The following NME5 variants were observed in gnomAD, a reference collection of about 807,000 sequenced individuals.
NME5 encodes the protein nucleoside diphosphate kinase 5.
In NME5, 18 loss-of-function variants were observed where a neutral mutation model predicts 21.6. That is an observed-to-expected ratio of 0.83 (90% confidence interval 0.58 to 1.24). The LOEUF is 1.24. NME5 is among the 50% of genes most tolerant of loss of function. The pLI is 0.00. For missense variants in NME5, 223 were observed against 255.4 expected (o/e 0.87, Z 0.86); for synonymous variants, 70 against 80.6 (o/e 0.87, Z 0.71).
chr5:138,127,495 G>C, intron 4 of NME5: 1 of 978,414 alleles, frequency 1.0e-6, no homozygotes, highest in Non-Finnish European at 1.2e-6. Context: ...AAATACTGAG[G>C]AACAGATCTA....
At chr5:138,125,303 C>T (rs1751372082) in intron 4 of NME5, among the ~76,000 whole-genome samples, 1 of 152,074 alleles carries the variant, frequency 6.6e-6, no homozygotes, top group Non-Finnish European at 1.5e-5. Context: ...AAATAGTAGG[C>T]AACTTAATAA....
intron 1 of NME5, chr5:138,139,012 G>A: frequency 2.6e-6 from 1 of 382,618 alleles, no homozygotes; most frequent in South Asian, 3.3e-5. Context: ...TTTCGTATAC[G>A]ATGTCACCAA....
chr5:138,123,311 C>T (rs1436025131), intron 4 of NME5, among the ~76,000 whole-genome samples: 1 of 152,126 alleles, frequency 6.6e-6, no homozygotes. Context: ...TAACTATAGT[C>T]ACCATGTTGA....
At chr5:138,126,997 G>C (rs1025360030) in intron 4 of NME5, among the ~76,000 whole-genome samples, 2 of 152,174 alleles carry the variant, frequency 1.3e-5, no homozygotes, top group East Asian at 3.9e-4. Context: ...TAATTCACTT[G>C]TAAGACTAAT....
chr5:138,129,544 T>C, intron 2 of NME5, 76 bp from the exon 3 acceptor site: 1 of 962,102 alleles, frequency 1.0e-6, no homozygotes, highest in Non-Finnish European at 1.6e-6. Context: ...ATTAGTAACT[T>C]GAAACTAGTA....
At chr5:138,125,838 T>A (rs994144585) in intron 4 of NME5, among the ~76,000 whole-genome samples, 4 of 152,148 alleles carry the variant, frequency 2.6e-5, no homozygotes, top group African/African-American at 9.7e-5. Flanking sequence ...GGTCTTGAAC[T>A]CCCAACTTCA....
At chr5:138,139,230 T>G in intron 1 of NME5, 141 bp downstream of exon 1, 1 of 372,182 alleles carries the variant, frequency 2.7e-6, no homozygotes, top group Non-Finnish European at 3.7e-6. Flanking sequence ...CTCGGCCAGC[T>G]GCCTCTGTGA....
intron 2 of NME5, among the ~76,000 whole-genome samples, chr5:138,131,519 C>T (rs1751567375): frequency 2.0e-5 from 3 of 151,594 alleles, no homozygotes; most frequent in South Asian, 4.2e-4. Context: ...AGCACCATTG[C>T]ACTCCAGCCT....
chr5:138,118,907 C>A lies in NME5; in HGVS notation c.466G>T (p.Ala156Ser). 1 of 1,611,658 alleles carries A rather than the reference C, an allele frequency of 6.2e-7. No individual in the cohort carries two copies. Among genetic ancestry groups the A allele is most frequent in the Non-Finnish European group, 8.5e-7 (1 of 1,177,870 alleles). ...VIVEPIPIGQ[A>S]AKDYLNLHIM... The stretch of plus-strand genomic sequence containing the variant: ...TGTAAATTTAAATAGTCCTTAGCAG[C>A]TTGTCCAATTGGAATGGGCTCAACA... Residue 156 changes from alanine (A) to serine (S), a missense_variant, in exon 5 of 6, where the codon GCT becomes TCT. Transcript: ENST00000265191.
chr5:138,115,771 G>GAA lies in NME5; in HGVS notation c.556-9_556-8dup, dbSNP rs756534793. The GAA allele has an allele frequency of 2.5e-4, 313 of 1,239,242 alleles. No homozygotes were observed. Among genetic ancestry groups the GAA allele is most frequent in the South Asian group, 6.0e-4 (37 of 62,096 alleles). The allele number at this position is 1,239,242 out of a possible 1,614,324, so 76.8% of individuals were successfully genotyped here. On this transcript the variant is annotated splice_region_variant and splice_polypyrimidine_tract_variant and intron_variant, in intron 5 of 5. Transcript: ENST00000265191. ...GCCAATCAGCTAGCCAAATCTATGG[G>GAA]AAAAAAAAAAACAACCTAAGTTAAG...
At chr5:138,138,844 TC>T in intron 1 of NME5, 59 bp from the exon 2 acceptor site, 20 of 1,491,658 alleles carry the variant, frequency 1.3e-5, no homozygotes, top group South Asian at 2.5e-5. Context: ...GACATGCATT[TC>T]CCCCCACCCC....
At chr5:138,129,042 C>G (rs1301199302) in intron 3 of NME5, among the ~76,000 whole-genome samples, 1 of 152,032 alleles carries the variant, frequency 6.6e-6, no homozygotes, top group Non-Finnish European at 1.5e-5. Flanking sequence ...ATCAGACATT[C>G]TCTGTTGCTT....
intron 4 of NME5, among the ~76,000 whole-genome samples, chr5:138,120,484 T>C (rs1186786900): frequency 6.6e-6 from 1 of 152,034 alleles, no homozygotes; most frequent in African/African-American, 2.4e-5. Flanking sequence ...GTGAGCCGCC[T>C]GCCTCGGCCT....
chr5:138,124,059 C>T (rs1258672704), intron 4 of NME5, among the ~76,000 whole-genome samples: 3 of 127,490 alleles, frequency 2.4e-5, no homozygotes, highest in Non-Finnish European at 3.1e-5. Context: ...TGCAATGGCG[C>T]GATCTTGGCT....
intron 2 of NME5, among the ~76,000 whole-genome samples, chr5:138,133,930 G>A (rs1200963242): frequency 6.6e-6 from 1 of 152,130 alleles, no homozygotes; most frequent in Non-Finnish European, 1.5e-5. Flanking sequence ...CAATGTGAAT[G>A]TACTTAATGC....
Position 138,128,570 on chromosome 5 carries a change from T to C in NME5, c.345A>G (p.Ala115=). The change falls in exon 4 of 6, where the codon GCA becomes GCG. Residue 115 remains alanine, a synonymous_variant. Transcript: ENST00000265191. ...AKETHPDSLR[A]IYGTDDLRNA... ...TCCTTAGGTCATCTGTGCCATAAAT[T>C]GCCCTCAGACTAAAAACAAGTTAGA... 1 of 1,610,464 alleles carries C rather than the reference T, an allele frequency of 6.2e-7. No individual in the cohort carries two copies. The highest frequency in any genetic ancestry group is 8.5e-7 in the Non-Finnish European group (1 of 1,178,822).
chr5:138,138,366 T>C, intron 2 of NME5: 1 of 305,102 alleles, frequency 3.3e-6, no homozygotes. Flanking sequence ...GGGGAAAATG[T>C]TTATAAATGC....
At chr5:138,122,463 A>AAAAAAAG (rs1196337031) in intron 4 of NME5, among the ~76,000 whole-genome samples, 14 of 149,118 alleles carry the variant, frequency 9.4e-5, no homozygotes, top group African/African-American at 3.0e-4. Flanking sequence ...AAAAAAAAAA[A>AAAAAAAG]AAAAAATTGT....
chr5:138,124,293 A>T (rs190445881), intron 4 of NME5, among the ~76,000 whole-genome samples: 1 of 151,832 alleles, frequency 6.6e-6, no homozygotes, highest in South Asian at 2.1e-4. Flanking sequence ...GTGAGCCACC[A>T]CACCCGGCCT....
Sources: allele counts gnomAD v4.1 joint callset (sites outside exome capture counted in the v4.1 genomes callset), GRCh38; gene constraint gnomAD v4.1.1; transcripts MANE v1.5; gene names NCBI Gene and HGNC (gene_info 2026-07-23, HGNC 2026-07-21).